GABBR2: variants seen among roughly 807,000 people sequenced by gnomAD.
GABBR2 encodes the protein G-protein coupled receptor 51.
A neutral mutation model predicts 105.6 loss-of-function variants in GABBR2; 23 were observed. The observed-to-expected ratio is 0.22, with a 90% CI of 0.16 to 0.31. The LOEUF (loss-of-function observed/expected upper bound fraction) is 0.31, where lower values mean the gene tolerates loss of function less well. Ranked by LOEUF, GABBR2 falls within the 10% of genes least tolerant of loss-of-function variation. The probability of loss-of-function intolerance (pLI) is 1.00; values close to 1 mark genes in which losing one functional copy is unlikely to be tolerated. For synonymous variants in GABBR2, 478 were observed against 499.7 expected (o/e 0.96, Z 0.58); for missense variants, 734 against 1,245.5 (o/e 0.59, Z 6.18).
intron 2 of GABBR2, among the ~76,000 whole-genome samples, chr9:98,572,751 T>G (rs566467461): frequency 6.6e-6 from 1 of 152,258 alleles, no homozygotes; most frequent in Non-Finnish European, 1.5e-5. Context: ...ATATCTTCCT[T>G]GCCTGGCTGC....
At chr9:98,658,952 T>G (rs1435188750) in intron 1 of GABBR2, among the ~76,000 whole-genome samples, 2 of 152,052 alleles carry the variant, frequency 1.3e-5, no homozygotes, top group East Asian at 3.8e-4. Flanking sequence ...GAACTTTTCT[T>G]CCATGTACTC....
chr9:98,572,614 G>A (rs1828848143), intron 2 of GABBR2, among the ~76,000 whole-genome samples: 1 of 152,066 alleles, frequency 6.6e-6, no homozygotes, highest in Admixed American at 6.5e-5. Flanking sequence ...TGTTGGGGTT[G>A]GGGTGGCTTG....
At chr9:98,470,653 C>T (rs1588178726) in intron 6 of GABBR2, among the ~76,000 whole-genome samples, 3 of 152,070 alleles carry the variant, frequency 2.0e-5, no homozygotes, top group African/African-American at 4.8e-5. Flanking sequence ...TGCAAGAAAT[C>T]CATGATGAAC....
intron 7 of GABBR2, among the ~76,000 whole-genome samples, chr9:98,438,622 GA>G (rs1161596225): frequency 6.6e-6 from 1 of 152,140 alleles, no homozygotes; most frequent in Non-Finnish European, 1.5e-5. Flanking sequence ...TGAATTCAAG[GA>G]TTTCTACATT....
chr9:98,661,453 T>G (rs1015416824), intron 1 of GABBR2, among the ~76,000 whole-genome samples: 2 of 151,380 alleles, frequency 1.3e-5, no homozygotes, highest in South Asian at 2.1e-4. Context: ...CAGGCTGGAG[T>G]GCAATGGCAC....
At chr9:98,384,743 G>A (rs1832041248) in intron 11 of GABBR2, among the ~76,000 whole-genome samples, 1 of 152,144 alleles carries the variant, frequency 6.6e-6, no homozygotes, top group Non-Finnish European at 1.5e-5. Context: ...TATCTCAATA[G>A]GGATGATACA....
chr9:98,339,190 G>C (rs1213714519), intron 13 of GABBR2, among the ~76,000 whole-genome samples: 1 of 150,778 alleles, frequency 6.6e-6, no homozygotes, highest in Non-Finnish European at 1.5e-5. Context: ...TCTCAAATAA[G>C]ATAGTGGTGA....
At chr9:98,533,532 C>T (rs1828109868) in intron 3 of GABBR2, among the ~76,000 whole-genome samples, 1 of 152,152 alleles carries the variant, frequency 6.6e-6, no homozygotes, top group South Asian at 2.1e-4. Context: ...GATCAAGAAT[C>T]ATGTACTGAA....
intron 16 of GABBR2, 143 bp downstream of exon 16, chr9:98,303,098 G>A (rs1830495056): frequency 1.7e-6 from 1 of 604,434 alleles, no homozygotes; most frequent in Admixed American, 3.1e-5. Context: ...TGTCACCCCT[G>A]GCTCTCGCAG....
At chr9:98,523,684 G>A (rs1827908942) in intron 3 of GABBR2, among the ~76,000 whole-genome samples, 1 of 152,152 alleles carries the variant, frequency 6.6e-6, no homozygotes. Flanking sequence ...TAACCAGTGG[G>A]ACCAGTGTCC....
At chr9:98,303,797 A>G (rs541506851) in intron 15 of GABBR2, among the ~76,000 whole-genome samples, 5 of 152,378 alleles carry the variant, frequency 3.3e-5, no homozygotes, top group East Asian at 3.9e-4. Context: ...TGTGACAACA[A>G]AGAGACAGAG....
Position 98,547,877 on chromosome 9 carries a change from C to A in GABBR2, c.460-5834G>T, listed in dbSNP as rs1249566512. ...GTTGCCTGACTTGCTTTTCAACAGC[C>A]TCAGTTTTAAGCCTTATTGACTTTA... is the stretch of plus-strand genomic sequence containing the variant. On this transcript the variant is annotated intron_variant, in intron 2 of 18. Transcript: ENST00000259455. 1.6e-5 allele frequency among the ~76,000 whole-genome samples: 2 copies of A among 122,062 alleles called. 1 individual carries two copies. The highest frequency in any genetic ancestry group is 3.7e-5 in the Non-Finnish European group (2 of 54,160). The allele number at this position is 122,062 out of a possible 152,430, so 80.1% of individuals were successfully genotyped here.
chr9:98,525,156 T>C (rs1046806799), intron 3 of GABBR2, among the ~76,000 whole-genome samples: 7 of 152,198 alleles, frequency 4.6e-5, no homozygotes, highest in East Asian at 1.9e-4. Context: ...GAAAAAAAGA[T>C]AGATTTGACC....
chr9:98,695,151 A>G (rs112604851), intron 1 of GABBR2, among the ~76,000 whole-genome samples: 1 of 152,314 alleles, frequency 6.6e-6, no homozygotes, highest in African/African-American at 2.4e-5. Flanking sequence ...AGCATCACTC[A>G]TGCGAAACAC....
intron 2 of GABBR2, among the ~76,000 whole-genome samples, chr9:98,573,846 A>G (rs935152658): frequency 1.3e-5 from 2 of 152,184 alleles, no homozygotes; most frequent in African/African-American, 2.4e-5. Context: ...CTGTTTGTGT[A>G]CTACATCTAT....
At chr9:98,462,344 A>T (rs1003009933) in intron 6 of GABBR2, among the ~76,000 whole-genome samples, 1 of 152,228 alleles carries the variant, frequency 6.6e-6, no homozygotes, top group African/African-American at 2.4e-5. Flanking sequence ...ATCAAAATAC[A>T]TCGAGAGTGA....
chr9:98,394,530 C>T (rs1287254666), intron 8 of GABBR2, among the ~76,000 whole-genome samples: 3 of 152,262 alleles, frequency 2.0e-5, no homozygotes, highest in African/African-American at 7.2e-5. Flanking sequence ...TGTACTCTGT[C>T]TGGTACCAAG....
chr9:98,295,872 T>C (rs922748355), intron 17 of GABBR2, among the ~76,000 whole-genome samples: 1 of 152,170 alleles, frequency 6.6e-6, no homozygotes, highest in African/African-American at 2.4e-5. Flanking sequence ...AAATTATATA[T>C]TGATTGGTGG....
chr9:98,393,036 AT>A (rs1832214537), intron 9 of GABBR2, among the ~76,000 whole-genome samples: 6 of 85,404 alleles, frequency 7.0e-5, no homozygotes, highest in African/African-American at 2.0e-4. Context: ...CCACCCATCC[AT>A]CCATCCATCC....
Sources: gnomAD v4.1 joint callset for allele counts (sites outside exome capture counted in the v4.1 genomes callset) on GRCh38, gnomAD v4.1.1 for gene constraint, MANE v1.5 for transcripts, NCBI Gene and HGNC (gene_info 2026-07-23, HGNC 2026-07-21) for gene names.